Variants in TMEM51 observed in about 807,000 individuals in gnomAD.
TMEM51 encodes chromosome 1 open reading frame 72.
Under a neutral mutation model 13.6 loss-of-function variants are expected in TMEM51, and 8 were observed. The ratio of observed to expected loss-of-function variants is 0.59; its 90% CI spans 0.35 to 1.07. The LOEUF (loss-of-function observed/expected upper bound fraction) is 1.07. TMEM51 is among the 50% of genes least tolerant of loss of function. TMEM51 has a pLI of 0.02. For synonymous variants in TMEM51, 147 were observed against 144.4 expected (o/e 1.02, Z -0.13); for missense variants, 279 against 330.7 (o/e 0.84, Z 1.21).
intron 1 of TMEM51, among the ~76,000 whole-genome samples, chr1:15,185,334 T>C (rs1014152489): frequency 7.2e-5 from 11 of 152,236 alleles, no homozygotes; most frequent in Admixed American, 7.2e-4. Flanking sequence ...TTTCCAAAAA[T>C]TGCTATCCTT....
At chr1:15,216,031 C>CA (rs112675244) in intron 3 of TMEM51, among the ~76,000 whole-genome samples, 2,189 of 144,556 alleles carry the variant, frequency 0.015, 48 homozygotes, top group South Asian at 0.051. Context: ...GACTCTGTCT[C>CA]AAAAAAAAAA....
chr1:15,209,992 C>T (rs1557856896), intron 1 of TMEM51, among the ~76,000 whole-genome samples: 2 of 151,888 alleles, frequency 1.3e-5, no homozygotes, highest in South Asian at 2.1e-4. Context: ...GATCACACCA[C>T]TGCATTCCAG....
intron 1 of TMEM51, among the ~76,000 whole-genome samples, chr1:15,177,617 A>C: frequency 6.6e-6 from 1 of 152,188 alleles, no homozygotes; most frequent in East Asian, 1.9e-4. Flanking sequence ...ATGGGCGTGC[A>C]GTGTCTCTCT....
At chr1:15,217,192 A>G (rs566949691) in intron 3 of TMEM51, among the ~76,000 whole-genome samples, 11 of 152,308 alleles carry the variant, frequency 7.2e-5, no homozygotes, top group African/African-American at 2.6e-4. Context: ...GGTACACACC[A>G]GAAGAAAAAA....
chr1:15,183,904 G>T (rs1053136200), intron 1 of TMEM51, among the ~76,000 whole-genome samples: 1 of 152,232 alleles, frequency 6.6e-6, no homozygotes, highest in Non-Finnish European at 1.5e-5. Flanking sequence ...GAGAAGGACA[G>T]TGGGGCCGCA....
intron 1 of TMEM51, chr1:15,164,438 G>A (rs1476046677): frequency 1.3e-5 from 6 of 455,916 alleles, no homozygotes; most frequent in Non-Finnish European, 1.8e-5. Context: ...ACTGGACTGG[G>A]CCTTTGGGTT....
chr1:15,152,805 C>G (rs548084158), upstream of TMEM51: 91 of 152,362 alleles, frequency 6.0e-4, no homozygotes, highest in African/African-American at 2.0e-3. Flanking sequence ...TCCGCGCCGA[C>G]TTCGGGTTTG....
chr1:15,203,879 G>T (rs1644203412), intron 1 of TMEM51, among the ~76,000 whole-genome samples: 1 of 152,160 alleles, frequency 6.6e-6, no homozygotes, highest in Non-Finnish European at 1.5e-5. Flanking sequence ...GTCTTGTCTA[G>T]GTAATTACTA....
chr1:15,181,384 A>G lies in TMEM51; in HGVS notation c.-267+27430A>G, dbSNP rs562693679. On this transcript the variant is annotated intron_variant, in intron 1 of 3. Transcript: ENST00000376008. ...TGTCCTTCATGCCTTTGAGGAAGTG[A>G]CAGGATAGCCTCCAGGTGGCATGTG... Among the ~76,000 whole-genome samples the G allele has an allele frequency of 1.1e-3, 175 of 152,344 alleles. 2 individuals carry two copies. Among genetic ancestry groups the G allele is most frequent in the African/African-American group, 3.9e-3 (163 of 41,584 alleles).
At chr1:15,197,007 C>T (rs1055905637) in intron 1 of TMEM51, among the ~76,000 whole-genome samples, 1 of 152,220 alleles carries the variant, frequency 6.6e-6, no homozygotes, top group African/African-American at 2.4e-5. Flanking sequence ...GGTTTGCAAA[C>T]AGTGCCATGA....
chr1:15,160,824 C>T (rs983656697), intron 1 of TMEM51, among the ~76,000 whole-genome samples: 15 of 152,088 alleles, frequency 9.9e-5, no homozygotes, highest in East Asian at 3.9e-4. Context: ...GTATGCCAGG[C>T]GCTGAGCCCA....
intron 1 of TMEM51, among the ~76,000 whole-genome samples, chr1:15,198,698 G>T (rs139852777): frequency 6.6e-6 from 1 of 152,184 alleles, no homozygotes; most frequent in Non-Finnish European, 1.5e-5. Context: ...GATCACAGGC[G>T]TGAGCCACCC....
chr1:15,183,647 T>C (rs1643684688), intron 1 of TMEM51, among the ~76,000 whole-genome samples: 3 of 152,208 alleles, frequency 2.0e-5, no homozygotes, highest in Admixed American at 1.3e-4. Flanking sequence ...TTCTGTGTGT[T>C]TGGTGCCATC....
chr1:15,176,168 C>G (rs1375379883), intron 1 of TMEM51, among the ~76,000 whole-genome samples: 1 of 152,164 alleles, frequency 6.6e-6, no homozygotes, highest in Non-Finnish European at 1.5e-5. Context: ...AGTGGTTGCT[C>G]AGTCAATGTT....
intron 1 of TMEM51, among the ~76,000 whole-genome samples, chr1:15,175,645 T>A (rs919353377): frequency 6.6e-5 from 10 of 152,224 alleles, no homozygotes; most frequent in Admixed American, 2.6e-4. Flanking sequence ...GGCCTCACTG[T>A]CATGGCAGAA....
intron 1 of TMEM51, among the ~76,000 whole-genome samples, chr1:15,166,054 C>T (rs190464275): frequency 1.3e-5 from 2 of 152,328 alleles, no homozygotes; most frequent in African/African-American, 2.4e-5. Flanking sequence ...AGATATTTAT[C>T]AGCAGTTATG....
chr1:15,186,233 C>A (rs1643769664), intron 1 of TMEM51, among the ~76,000 whole-genome samples: 1 of 152,194 alleles, frequency 6.6e-6, no homozygotes, highest in Admixed American at 6.5e-5. Context: ...ACTGGGGAGC[C>A]ACTGAAAGTT....
At chr1:15,189,047 T>C (rs550974432) in intron 1 of TMEM51, among the ~76,000 whole-genome samples, 11 of 152,114 alleles carry the variant, frequency 7.2e-5, no homozygotes, top group African/African-American at 2.7e-4. Context: ...TTGGTCATTA[T>C]ATATTTTTTT....
At chr1:15,172,993 C>G (rs567009641) in intron 1 of TMEM51, among the ~76,000 whole-genome samples, 1 of 152,088 alleles carries the variant, frequency 6.6e-6, no homozygotes, top group Non-Finnish European at 1.5e-5. Context: ...ACGTATCCCC[C>G]GAGGATATGT....
Sources: allele counts gnomAD v4.1 joint callset (sites outside exome capture counted in the v4.1 genomes callset), GRCh38; gene constraint gnomAD v4.1.1; transcripts MANE v1.5; gene names NCBI Gene and HGNC (gene_info 2026-07-23, HGNC 2026-07-21).